Variants in CACNA1B observed in about 807,000 individuals in gnomAD.
CACNA1B encodes the protein voltage-dependent N-type calcium channel subunit alpha-1B.
Under a neutral mutation model 247.2 loss-of-function variants are expected in CACNA1B, and 70 were observed. The ratio of observed to expected loss-of-function variants is 0.28; its 90% CI spans 0.23 to 0.35. The LOEUF is 0.35. Among genes scored for constraint, CACNA1B ranks in the 10% least tolerant of loss-of-function variants. The pLI, the probability that CACNA1B is intolerant of heterozygous loss-of-function variation, is 1.00. For missense variants in CACNA1B, 2,367 were observed against 3,197.4 expected (o/e 0.74, Z 6.26); for synonymous variants, 1,231 against 1,294.4 (o/e 0.95, Z 1.05).
chr9:138,027,532 C>T (rs1958936263), intron 20 of CACNA1B, among the ~76,000 whole-genome samples: 1 of 152,074 alleles, frequency 6.6e-6, no homozygotes, highest in Non-Finnish European at 1.5e-5. Flanking sequence ...TACCTTGTTT[C>T]CGCCTACATT....
chr9:138,077,821 G>A (rs1198367631), intron 35 of CACNA1B, among the ~76,000 whole-genome samples: 3 of 152,234 alleles, frequency 2.0e-5, no homozygotes, highest in Non-Finnish European at 4.4e-5. Context: ...TCTGGGAGGA[G>A]GTCAGGAGTA....
At position 137,990,255 on chromosome 9, in the gene CACNA1B, T is replaced by A. The variant is rs144667879; in HGVS notation, c.1974+3401T>A. 6.6e-6 allele frequency among the ~76,000 whole-genome samples: 1 copy of A among 152,008 alleles called. No individual in the cohort carries two copies. The highest frequency in any genetic ancestry group is 1.5e-5 in the Non-Finnish European group (1 of 68,006). On this transcript the variant is annotated intron_variant, in intron 15 of 46. Coordinates refer to ENST00000371372, the MANE Select transcript of CACNA1B (RefSeq NM_000718.4). The surrounding 1 kb of genome is among the most constrained non-coding windows in gnomAD (Gnocchi z 4.5). ...TAATCCTCCTGGGAACATAACTCCA[T>A]TGGACTGAGAACCACACACCCATCC...
chr9:138,089,438 A>G (rs1327582189), intron 36 of CACNA1B, among the ~76,000 whole-genome samples: 1 of 152,190 alleles, frequency 6.6e-6, no homozygotes, highest in Non-Finnish European at 1.5e-5. Flanking sequence ...TCATCTCAAT[A>G]GACACAGAAA....
intron 20 of CACNA1B, among the ~76,000 whole-genome samples, chr9:138,033,549 C>A (rs1012490668): frequency 1.4e-4 from 21 of 152,086 alleles, no homozygotes; most frequent in Non-Finnish European, 1.5e-5. Context: ...TGATGCCACG[C>A]CAGCAAGTAG....
chr9:138,051,599 C>T lies in CACNA1B; in HGVS notation c.3711-493C>T, dbSNP rs530441269. On this transcript the variant is annotated intron_variant, in intron 24 of 46. Coordinates refer to ENST00000371372, the MANE Select transcript of CACNA1B (RefSeq NM_000718.4). This position sits in a 1 kb window ranked among gnomAD's most constrained non-coding sequence, Gnocchi z 4.3. ...TTCTGTCTTCCCGCTGTCGGTTTCA[C>T]GTCAGCGGGAGGAATGTTAGGACGG... is the stretch of plus-strand genomic sequence containing the variant. 2.0e-5 allele frequency among the ~76,000 whole-genome samples: 3 copies of T among 151,940 alleles called. No individual in the cohort carries two copies. The highest frequency in any genetic ancestry group is 4.4e-5 in the Non-Finnish European group (3 of 67,998).
At chr9:138,095,396 A>G (rs1443198689) in intron 36 of CACNA1B, among the ~76,000 whole-genome samples, 1 of 152,232 alleles carries the variant, frequency 6.6e-6, no homozygotes, top group Non-Finnish European at 1.5e-5. Context: ...GCAAATCAAA[A>G]CTACAATGAG....
rs201607302 is a variant in CACNA1B at position 138,122,088 on chromosome 9, G to A, written c.*89G>A. The A allele has an allele frequency of 1.4e-5, 18 of 1,253,942 alleles. No individual in the cohort carries two copies. The highest frequency in any genetic ancestry group is 1.0e-4 in the South Asian group (7 of 66,884). The allele number at this position is 1,253,942 out of a possible 1,614,324, so 77.7% of individuals were successfully genotyped here. A position where few individuals can be genotyped will look rare whatever the true frequency, so the allele number is the denominator to read the frequency against. On this transcript the variant is annotated 3_prime_UTR_variant, in exon 47 of 47. Coordinates refer to ENST00000371372, the MANE Select transcript of CACNA1B (RefSeq NM_000718.4). ...CATCCACACGGGGCAGCCGGCCCTC[G>A]GGGGAGGCCTTGCCCACCTTGGTGA...
chr9:138,066,346 C>T (rs938659287), intron 31 of CACNA1B, among the ~76,000 whole-genome samples: 2 of 152,180 alleles, frequency 1.3e-5, no homozygotes, highest in Non-Finnish European at 2.9e-5. Flanking sequence ...CTTTGGGAGG[C>T]TGAGGTGGGA....
rs201271068 is a variant in CACNA1B at position 138,096,597 on chromosome 9, C to T, written c.5208C>T (p.Tyr1736=). The change falls in exon 37 of 47, where the codon TAC becomes TAT. Residue 1736 remains tyrosine, a synonymous_variant. Coordinates refer to ENST00000371372, the MANE Select transcript of CACNA1B (RefSeq NM_000718.4). ...AGTTCATCCGGGTCTGGGCTGAATA[C>T]GACCCGGCTGCGTGGTAAGTGAGCC... ...LDEFIRVWAE[Y]DPAACGRISY... The T allele has an allele frequency of 3.0e-5, 48 of 1,611,774 alleles. No homozygotes were observed. The highest frequency in any genetic ancestry group is 9.9e-5 in the South Asian group (9 of 90,720).
In CACNA1B at chr9:137,990,790, A is replaced by G. The variant is rs1375928842; in HGVS notation, c.1974+3936A>G. Among the ~76,000 whole-genome samples, 1 of 152,076 alleles carries G rather than the reference A, an allele frequency of 6.6e-6. No individual in the cohort carries two copies. Among genetic ancestry groups the G allele is most frequent in the Non-Finnish European group, 1.5e-5 (1 of 68,016 alleles). On this transcript the variant is annotated intron_variant, in intron 15 of 46. Transcript: ENST00000371372. The surrounding 1 kb of genome is among the most constrained non-coding windows in gnomAD (Gnocchi z 4.5). ...TCACATCACAGGACTCTTGACAGAC[A>G]CTCCCCAGTACCAGCCTGAAGCCTG...
At chr9:138,048,071 C>T (rs977069670) in intron 23 of CACNA1B, among the ~76,000 whole-genome samples, 10 of 152,166 alleles carry the variant, frequency 6.6e-5, no homozygotes, top group Non-Finnish European at 1.0e-4. Flanking sequence ...ATGTGTGAGC[C>T]GGCATGCGTG....
chr9:138,097,919 C>G (rs10867106), intron 37 of CACNA1B, among the ~76,000 whole-genome samples: 72,156 of 152,030 alleles, frequency 0.47, 18,449 homozygotes, highest in African/African-American at 0.66. Flanking sequence ...TCAGCCTCCC[C>G]GGAGCACCCC....
intron 20 of CACNA1B, chr9:138,032,863 C>T (rs1029774370): frequency 1.3e-5 from 4 of 312,202 alleles, no homozygotes; most frequent in Non-Finnish European, 1.9e-5. Flanking sequence ...GATGTGAGTT[C>T]CTTTAAGTTT....
chr9:138,095,432 G>A (rs537925598), intron 36 of CACNA1B, among the ~76,000 whole-genome samples: 3 of 152,324 alleles, frequency 2.0e-5, no homozygotes, highest in African/African-American at 7.2e-5. Context: ...CACCATGACA[G>A]CTATAACAAT....
At position 138,096,543 on chromosome 9, in the gene CACNA1B, T is replaced by A. The variant is rs1212896611; in HGVS notation, c.5154T>A (p.Ser1718=). 1.2e-6 allele frequency: 2 copies of A among 1,612,976 alleles called. No individual in the cohort carries two copies. The highest frequency in any genetic ancestry group is 4.5e-5 in the East Asian group (2 of 44,840). ...MDNFEYLTRD[S]SILGPHHLDE... ...ATTTTGAGTACCTCACGCGGGACTCTTCCATCCTAGGTCCTCACCACTTGG... is the reference window on the plus strand; with the variant it reads ...ATTTTGAGTACCTCACGCGGGACTCATCCATCCTAGGTCCTCACCACTTGG... Residue 1718 remains serine (S), a synonymous_variant, in exon 37 of 47, where the codon TCT becomes TCA. Coordinates refer to ENST00000371372, the MANE Select transcript of CACNA1B (RefSeq NM_000718.4).
intron 3 of CACNA1B, among the ~76,000 whole-genome samples, chr9:137,897,466 G>T (rs1470271055): frequency 2.6e-5 from 4 of 152,040 alleles, no homozygotes; most frequent in Non-Finnish European, 5.9e-5. Flanking sequence ...TGTACTCCCA[G>T]CTACTCAGGA....
intron 20 of CACNA1B, among the ~76,000 whole-genome samples, chr9:138,031,669 T>A (rs1330652062): frequency 6.6e-6 from 1 of 152,208 alleles, no homozygotes; most frequent in African/African-American, 2.4e-5. Flanking sequence ...TTGCGTCATG[T>A]GTTTGCAGTT....
rs527445317 is a variant in CACNA1B, at chr9:137,911,820, G to C, written c.531-1360G>C. On this transcript the variant is annotated intron_variant, in intron 3 of 46. Transcript: ENST00000371372. ...CACAAAGCCTTCGCCAAGAACCCTG[G>C]ATGCGCGTTAGAGGCAGAGCCAGCA... is the stretch of plus-strand genomic sequence containing the variant. 3.3e-5 allele frequency among the ~76,000 whole-genome samples: 5 copies of C among 152,308 alleles called. 1 individual carries two copies. In the South Asian group the frequency reaches 6.2e-4, roughly 19 times the overall value.
intron 6 of CACNA1B, among the ~76,000 whole-genome samples, chr9:137,925,038 G>T (rs911881459): frequency 6.6e-6 from 1 of 152,210 alleles, no homozygotes; most frequent in African/African-American, 2.4e-5. Flanking sequence ...ACCCGTGTCT[G>T]GTTTGTGCCT....
Sources: gnomAD v4.1 joint callset for allele counts (sites outside exome capture counted in the v4.1 genomes callset) on GRCh38, gnomAD v4.1.1 for gene constraint, Gnocchi (gnomAD v3.1) non-coding constraint, MANE v1.5 for transcripts, NCBI Gene and HGNC (gene_info 2026-07-23, HGNC 2026-07-21) for gene names.